Variants in SPIRE2 observed in about 807,000 individuals in gnomAD.
SPIRE2 encodes the protein spire type actin nucleation factor 2, also known as protein spire homolog 2.
SPIRE2 carries 76 observed loss-of-function variants against 80.7 expected under a neutral mutation model. The observed-to-expected ratio is 0.94, with a 90% CI of 0.78 to 1.14. The LOEUF (loss-of-function observed/expected upper bound fraction) is 1.14. SPIRE2 is among the 50% of genes most tolerant of loss of function. SPIRE2 has a pLI of 0.00. For synonymous variants in SPIRE2, 535 were observed against 432.6 expected (o/e 1.24, Z -2.94); for missense variants, 1,196 against 1,015.3 (o/e 1.18, Z -2.42).
chr16:89,831,201 G>T (rs980763458), intron 1 of SPIRE2, among the ~76,000 whole-genome samples: 3 of 150,522 alleles, frequency 2.0e-5, no homozygotes, highest in Non-Finnish European at 4.5e-5. Flanking sequence ...GAGCCACTGC[G>T]CCCAGCTGGG....
chr16:89,862,435 G>C (rs1597223422), intron 10 of SPIRE2: 2 of 152,406 alleles, frequency 1.3e-5, no homozygotes, highest in East Asian at 3.9e-4. Flanking sequence ...TCTCAGAAGT[G>C]CTTTCTGAAG....
intron 2 of SPIRE2, among the ~76,000 whole-genome samples, chr16:89,848,701 G>A (rs2041589693): frequency 6.7e-6 from 1 of 148,698 alleles, no homozygotes; most frequent in Non-Finnish European, 1.5e-5. Flanking sequence ...AGGGCCTTCT[G>A]CAGTGTTTCT....
Position 89,863,687 on chromosome 16 carries a change from A to G in SPIRE2, c.1710+77A>G. 1 of 1,612,082 alleles carries G rather than the reference A, an allele frequency of 6.2e-7. No individual in the cohort carries two copies. Among genetic ancestry groups the G allele is most frequent in the East Asian group, 2.2e-5 (1 of 44,872 alleles). On this transcript the variant is annotated intron_variant, in intron 11 of 14. Transcript: ENST00000378247. The surrounding 1 kb of genome is among the most constrained non-coding windows in gnomAD (Gnocchi z 4.3). ...GGTGCCGAGAGGGCCAGTTCCCAGGACTGTTTGCTCATGATCTGGTTGGGA... is the reference window on the plus strand; with the variant it reads ...GGTGCCGAGAGGGCCAGTTCCCAGGGCTGTTTGCTCATGATCTGGTTGGGA...
Position 89,830,309 on chromosome 16 carries a change from AG to A in SPIRE2, c.244+1520del, listed in dbSNP as rs2041367041. The stretch of plus-strand genomic sequence containing the variant: ...TCAGGTAGGGCACTGTGTTGACCTT[AG>A]GGGGTGGTACCCACCTGTGGTCCAG... On this transcript the variant is annotated intron_variant, in intron 1 of 14. Coordinates refer to ENST00000378247, the MANE Select transcript of SPIRE2 (RefSeq NM_032451.2). 3.3e-5 allele frequency among the ~76,000 whole-genome samples: 5 copies of A among 151,272 alleles called. 1 individual carries two copies.
rs779809315 is a variant in SPIRE2, at chr16:89,855,705, C to G, written c.978+19C>G. On this transcript the variant is annotated intron_variant, in intron 6 of 14. Coordinates refer to ENST00000378247, the MANE Select transcript of SPIRE2 (RefSeq NM_032451.2). ...GAAGCAGGTGCTGCCCCAGCCTCCT[C>G]CTCCTCAGGGGCCGCCCGGGGCCTG... 1.2e-5 allele frequency: 19 copies of G among 1,611,684 alleles called. No homozygotes were observed. Among genetic ancestry groups the G allele is most frequent in the Middle Eastern group, 1.7e-4 (1 of 6,058 alleles).
intron 13 of SPIRE2, among the ~76,000 whole-genome samples, chr16:89,869,338 T>G (rs2041818679): frequency 2.0e-5 from 3 of 151,946 alleles, no homozygotes. Context: ...GGGACGGTTC[T>G]TGCGCTCTAA....
At chr16:89,868,089 T>C (rs1037671870) in intron 12 of SPIRE2, 100 bp from the exon 13 acceptor site, 7 of 1,279,476 alleles carry the variant, frequency 5.5e-6, no homozygotes, top group Non-Finnish European at 6.9e-6. Context: ...AAGGCAAGGA[T>C]GGTTTGACCT....
At chr16:89,850,198 C>G (rs1312306964) in intron 2 of SPIRE2, 106 bp from the exon 3 acceptor site, 4 of 909,006 alleles carry the variant, frequency 4.4e-6, no homozygotes, top group Non-Finnish European at 7.0e-6. Flanking sequence ...GGACCGACAG[C>G]TGCTGTCTCC....
chr16:89,850,949 G>A (rs2041621234), intron 3 of SPIRE2, among the ~76,000 whole-genome samples: 1 of 152,026 alleles, frequency 6.6e-6, no homozygotes, highest in African/African-American at 2.4e-5. Context: ...CAATTCTCCT[G>A]CCACAGGCTC....
At chr16:89,831,719 G>A (rs757527061) in intron 1 of SPIRE2, among the ~76,000 whole-genome samples, 1 of 151,050 alleles carries the variant, frequency 6.6e-6, no homozygotes, top group Non-Finnish European at 1.5e-5. Flanking sequence ...TTTTTCACAG[G>A]CAGGCCCCGC....
intron 2 of SPIRE2, chr16:89,845,834 T>C (rs2143798002): frequency 1.8e-6 from 1 of 544,790 alleles, no homozygotes. Flanking sequence ...TGGAACGTCA[T>C]GTTTCCACTT....
chr16:89,869,053 A>AAAAAAAAATATATATATAT, intron 13 of SPIRE2, among the ~76,000 whole-genome samples: 2 of 24,034 alleles, frequency 8.3e-5, no homozygotes, highest in African/African-American at 1.6e-4. Flanking sequence ...AAAAAAAAAA[A>AAAAAAAAATATATATATAT]ATATATATAT....
intron 1 of SPIRE2, among the ~76,000 whole-genome samples, chr16:89,840,155 G>T (rs62056066): frequency 1.3e-5 from 2 of 151,978 alleles, no homozygotes; most frequent in African/African-American, 2.4e-5. Flanking sequence ...CCTCCCTGCA[G>T]TGTGGGACGA....
intron 1 of SPIRE2, among the ~76,000 whole-genome samples, chr16:89,838,164 ATTTT>A (rs34507409): frequency 1.4e-4 from 12 of 87,504 alleles, no homozygotes; most frequent in African/African-American, 4.9e-4. Flanking sequence ...CACGCTCAGC[ATTTT>A]TTTTTTTTTT....
Position 89,867,742 on chromosome 16 carries a change from G to A in SPIRE2, c.1779-447G>A, listed in dbSNP as rs563343446. ...TGTGATTACAGGTGCCTGCTGCCAC[G>A]CCCAACTCATTTTTGTATTTTTAGT... On this transcript the variant is annotated intron_variant, in intron 12 of 14. Transcript: ENST00000378247. Among the ~76,000 whole-genome samples the A allele has an allele frequency of 5.9e-5, 9 of 152,048 alleles. No individual in the cohort carries two copies. The South Asian group carries it at 6.2e-4, about 11-fold the overall frequency.
chr16:89,844,257 C>T (rs1326557024), intron 1 of SPIRE2, among the ~76,000 whole-genome samples: 1 of 152,066 alleles, frequency 6.6e-6, no homozygotes, highest in African/African-American at 2.4e-5. Flanking sequence ...CAGCCTCCAT[C>T]TCCTGGGTTC....
chr16:89,828,940 TC>T lies in SPIRE2; in HGVS notation c.244+149del. The T allele has an allele frequency of 2.0e-6, 1 of 503,532 alleles. No individual in the cohort carries two copies. Among genetic ancestry groups the T allele is most frequent in the Non-Finnish European group, 2.9e-6 (1 of 348,240 alleles). 31.2% of individuals were successfully genotyped at this position (503,532 alleles called of 1,614,324 possible). ...TCTGCGGGACCCGGAGCTCCCTCCCTCCCACTCTCCGTCCCTCTTTCCCTCT... is the reference window on the plus strand; with the variant it reads ...TCTGCGGGACCCGGAGCTCCCTCCCTCCACTCTCCGTCCCTCTTTCCCTCT... On this transcript the variant is annotated intron_variant, in intron 1 of 14. Coordinates refer to ENST00000378247, the MANE Select transcript of SPIRE2 (RefSeq NM_032451.2). This position sits in a 1 kb window ranked among gnomAD's most constrained non-coding sequence, Gnocchi z 5.9.
At chr16:89,844,764 G>T (rs572940831) in intron 1 of SPIRE2, among the ~76,000 whole-genome samples, 303 of 152,244 alleles carry the variant, frequency 2.0e-3, no homozygotes, top group African/African-American at 6.8e-3. Flanking sequence ...AAAATTTTTT[G>T]TAGCCACAGG....
At chr16:89,864,936 G>C (rs2041776117) in intron 12 of SPIRE2, among the ~76,000 whole-genome samples, 1 of 151,758 alleles carries the variant, frequency 6.6e-6, no homozygotes, top group South Asian at 2.1e-4. Flanking sequence ...ACGTGTGTAA[G>C]TAGTGTTGAT....
Sources: gnomAD v4.1 joint callset for allele counts (sites outside exome capture counted in the v4.1 genomes callset) on GRCh38, gnomAD v4.1.1 for gene constraint, Gnocchi (gnomAD v3.1) non-coding constraint, MANE v1.5 for transcripts, NCBI Gene and HGNC (gene_info 2026-07-23, HGNC 2026-07-21) for gene names.